GMCL1: variants seen among roughly 807,000 people sequenced by gnomAD.
GMCL1 encodes germ cell-less 1, spermatogenesis associated, also known as germ cell-less protein-like 1.
GMCL1 carries 54 observed loss-of-function variants against 75.5 expected under a neutral mutation model. The ratio of observed to expected loss-of-function variants is 0.71; its 90% CI spans 0.57 to 0.90. GMCL1 has a LOEUF of 0.90. Ranked by LOEUF, GMCL1 falls within the 40% of genes least tolerant of loss-of-function variation. The pLI is 0.00. For missense variants in GMCL1, 537 were observed against 622.7 expected (o/e 0.86, Z 1.47); for synonymous variants, 210 against 209.6 (o/e 1.00, Z -0.02).
chr2:69,870,170 G>A (rs1433990001), intron 12 of GMCL1, among the ~76,000 whole-genome samples: 1 of 150,906 alleles, frequency 6.6e-6, no homozygotes, highest in East Asian at 1.9e-4. Flanking sequence ...ATGTAGCAAG[G>A]TATGTTTCCA....
At chr2:69,864,575 GTAGT>G (rs1675752491) in intron 10 of GMCL1, among the ~76,000 whole-genome samples, 1 of 131,332 alleles carries the variant, frequency 7.6e-6, no homozygotes, top group East Asian at 2.3e-4. Flanking sequence ...TATTTTACTT[GTAGT>G]TAGACTTTTA....
At chr2:69,855,874 G>T (rs1010120450) in intron 9 of GMCL1, among the ~76,000 whole-genome samples, 2 of 152,102 alleles carry the variant, frequency 1.3e-5, no homozygotes, top group Non-Finnish European at 2.9e-5. Flanking sequence ...TACATATGCC[G>T]CTCTAACTGT....
At chr2:69,859,742 T>TAAAAAAAAGAAAAAAAAAAAA (rs1675585554) in intron 9 of GMCL1, among the ~76,000 whole-genome samples, 1 of 79,136 alleles carries the variant, frequency 1.3e-5, no homozygotes, top group East Asian at 4.1e-4. Context: ...TCTCTCTCTC[T>TAAAAAAAAGAAAAAAAAAAAA]AAAAAAAAAA....
chr2:69,835,977 C>T (rs1343729617), intron 1 of GMCL1, among the ~76,000 whole-genome samples: 1 of 152,186 alleles, frequency 6.6e-6, no homozygotes, highest in Non-Finnish European at 1.5e-5. Flanking sequence ...TTAGATCTTC[C>T]ATTAGCTTTG....
At chr2:69,836,521 C>T (rs1283276042) in intron 1 of GMCL1, among the ~76,000 whole-genome samples, 1 of 152,150 alleles carries the variant, frequency 6.6e-6, no homozygotes, top group African/African-American at 2.4e-5. Context: ...AGTCTGTTAC[C>T]ACTAAGACAT....
At chr2:69,830,205 G>C in intron 1 of GMCL1, 53 bp downstream of exon 1, 1 of 1,516,144 alleles carries the variant, frequency 6.6e-7, no homozygotes, top group Non-Finnish European at 8.8e-7. Flanking sequence ...GTTGGGCCTG[G>C]GGCCGAGCCG....
intron 11 of GMCL1, among the ~76,000 whole-genome samples, chr2:69,868,237 A>T (rs936644997): frequency 2.4e-5 from 2 of 83,744 alleles, no homozygotes; most frequent in South Asian, 4.9e-4. Flanking sequence ...CTGTCTCTTT[A>T]AAAAAAAAAA....
intron 6 of GMCL1, among the ~76,000 whole-genome samples, 168 bp from the exon 7 acceptor site, chr2:69,847,375 G>A (rs915105560): frequency 6.6e-6 from 1 of 152,152 alleles, no homozygotes; most frequent in East Asian, 1.9e-4. Flanking sequence ...AAGTATCCTT[G>A]TATCCAGATA....
In GMCL1 at chr2:69,875,166, C is replaced by A. The variant is rs76497308; in HGVS notation, c.1452+3334C>A. Among the ~76,000 whole-genome samples, 109 of 151,986 alleles carry A rather than the reference C, an allele frequency of 7.2e-4. No individual in the cohort carries two copies. In the East Asian group the frequency reaches 0.019, roughly 27 times the overall value. ...ATCTTACTAGGATTATATAAATAGT[C>A]ATCTATATATTCTTCTGTTCTTTTT... On this transcript the variant is annotated intron_variant, in intron 13 of 13. Coordinates refer to ENST00000282570, the MANE Select transcript of GMCL1 (RefSeq NM_178439.5).
intron 1 of GMCL1, among the ~76,000 whole-genome samples, chr2:69,832,259 G>A (rs555908139): frequency 6.6e-5 from 10 of 152,068 alleles, no homozygotes; most frequent in Admixed American, 1.3e-4. Context: ...TCTGTATTCT[G>A]CACTTAATAG....
At chr2:69,856,249 A>C (rs918872624) in intron 9 of GMCL1, among the ~76,000 whole-genome samples, 22 of 152,238 alleles carry the variant, frequency 1.4e-4, no homozygotes, top group African/African-American at 5.3e-4. Flanking sequence ...TTGATTAATC[A>C]ACCTAAAACT....
At chr2:69,863,935 A>G (rs1558548594) in intron 10 of GMCL1, among the ~76,000 whole-genome samples, 1 of 151,940 alleles carries the variant, frequency 6.6e-6, no homozygotes, top group African/African-American at 2.4e-5. Flanking sequence ...TTACCCCTCC[A>G]TAGAATTCAC....
intron 7 of GMCL1, among the ~76,000 whole-genome samples, chr2:69,849,436 A>G (rs1675246375): frequency 6.6e-6 from 1 of 152,148 alleles, no homozygotes; most frequent in South Asian, 2.1e-4. Flanking sequence ...AAGTGCTGGG[A>G]TTATAGGTGT....
Position 69,829,852 on chromosome 2 carries a change from C to T in GMCL1, c.-41C>T. The stretch of plus-strand genomic sequence containing the variant: ...GGCGGCCGAGCCATGGCGGGAGACC[C>T]CCTTCTCTGGGCTCCCTGAAGTCTC... On this transcript the variant is annotated 5_prime_UTR_variant, in exon 1 of 14. Coordinates refer to ENST00000282570, the MANE Select transcript of GMCL1 (RefSeq NM_178439.5). 1 of 1,513,392 alleles carries T rather than the reference C, an allele frequency of 6.6e-7. No individual in the cohort carries two copies. Among genetic ancestry groups the T allele is most frequent in the Non-Finnish European group, 8.8e-7 (1 of 1,136,206 alleles). 93.7% of individuals were successfully genotyped at this position (1,513,392 alleles called of 1,614,324 possible).
chr2:69,874,937 G>A (rs897928019), intron 13 of GMCL1, among the ~76,000 whole-genome samples: 1 of 151,342 alleles, frequency 6.6e-6, no homozygotes, highest in South Asian at 2.1e-4. Context: ...TAGAGACGAG[G>A]TTTTGCCACG....
intron 1 of GMCL1, among the ~76,000 whole-genome samples, chr2:69,836,379 CAT>C (rs1195338115): frequency 6.6e-6 from 1 of 152,190 alleles, no homozygotes; most frequent in Admixed American, 6.5e-5. Context: ...GGGAAGCCAA[CAT>C]GTGTACATTC....
chr2:69,839,598 T>C (rs975099271), intron 3 of GMCL1, 45 bp downstream of exon 3: 1 of 1,192,144 alleles, frequency 8.4e-7, no homozygotes, highest in Non-Finnish European at 1.2e-6. Context: ...CGTAAAAACA[T>C]AATCTTATTC....
At position 69,871,811 on chromosome 2, in the gene GMCL1, A is replaced by G; in HGVS notation, c.1431A>G (p.Ile477Met). The G allele has an allele frequency of 6.3e-7, 1 of 1,589,606 alleles. No homozygotes were observed. The highest frequency in any genetic ancestry group is 8.6e-7 in the Non-Finnish European group (1 of 1,163,242). ...LICSRTTGYQ[I>M]LTLEKDQEQV... ...GTAGTAGAACAACTGGCTATCAAAT[A>G]CTTACACTTGAAAAGGATCAGGTAT... Residue 477 changes from isoleucine to methionine, a missense_variant, in exon 13 of 14, where the codon ATA becomes ATG. Around this residue, in one of 3 missense-constraint regions of GMCL1, gnomAD observed 345 missense variants for 410.5 expected, o/e 0.84. Coordinates refer to ENST00000282570, the MANE Select transcript of GMCL1 (RefSeq NM_178439.5).
chr2:69,871,821 GA>G lies in GMCL1; in HGVS notation c.1445del (p.Lys482ArgfsTer7). The stretch of plus-strand genomic sequence containing the variant: ...AACTGGCTATCAAATACTTACACTT[GA>G]AAAGGATCAGGTATGTTCGATTATC... Reference protein sequence around the residue: ...RTTGYQILTLEKDQEQVVMNL... With the variant: ...RTTGYQILTLXKDQEQVVMNL... On this transcript the variant is annotated frameshift_variant, in exon 13 of 14. Coordinates refer to ENST00000282570, the MANE Select transcript of GMCL1 (RefSeq NM_178439.5). LOFTEE classifies it high-confidence loss of function. 2 of 1,575,772 alleles carry G rather than the reference GA, an allele frequency of 1.3e-6. No individual in the cohort carries two copies. The highest frequency in any genetic ancestry group is 8.7e-7 in the Non-Finnish European group (1 of 1,152,096).
Sources: gnomAD v4.1 joint callset for allele counts (sites outside exome capture counted in the v4.1 genomes callset) on GRCh38, gnomAD v4.1.1 for gene constraint, gnomAD v4.1.1 regional missense constraint, MANE v1.5 for transcripts, NCBI Gene and HGNC (gene_info 2026-07-23, HGNC 2026-07-21) for gene names.